Variants in SPTB observed in about 807,000 individuals in gnomAD.
SPTB encodes the protein spectrin beta chain, erythrocytic.
A neutral mutation model predicts 256.2 loss-of-function variants in SPTB; 45 were observed. That is an observed-to-expected ratio of 0.18 (90% CI 0.14 to 0.23). The LOEUF (loss-of-function observed/expected upper bound fraction) is 0.23, where lower values mean the gene tolerates loss of function less well. Ranked by LOEUF, SPTB falls within the 10% of genes least tolerant of loss-of-function variation. The probability of loss-of-function intolerance (pLI) is 1.00; values close to 1 mark genes in which losing one functional copy is unlikely to be tolerated. For synonymous variants in SPTB, 1,231 were observed against 1,243.1 expected (o/e 0.99, Z 0.21); for missense variants, 2,715 against 3,040.4 (o/e 0.89, Z 2.52).
At chr14:64,840,640 T>C (rs1401025738) in intron 1 of SPTB, among the ~76,000 whole-genome samples, 1 of 152,184 alleles carries the variant, frequency 6.6e-6, no homozygotes, top group African/African-American at 2.4e-5. Flanking sequence ...GGAGCGAACC[T>C]ATTCACACAC....
At chr14:64,831,542 A>G (rs2083450872) in intron 1 of SPTB, among the ~76,000 whole-genome samples, 1 of 152,264 alleles carries the variant, frequency 6.6e-6, no homozygotes, top group Non-Finnish European at 1.5e-5. Flanking sequence ...GTCATGCTGA[A>G]TATAGATGCT....
intron 1 of SPTB, among the ~76,000 whole-genome samples, chr14:64,875,392 A>G (rs1439870136): frequency 1.3e-5 from 2 of 152,272 alleles, no homozygotes; most frequent in Non-Finnish European, 2.9e-5. Context: ...ACGCAGCAAC[A>G]GAGGGAAACA....
chr14:64,752,339 A>C (rs1300113305), intron 33 of SPTB: 1 of 1,060,412 alleles, frequency 9.4e-7, no homozygotes, highest in African/African-American at 1.6e-5. Context: ...GAAGGTGGAG[A>C]AACTAGTAGG....
Position 64,785,034 on chromosome 14 carries a change from C to T in SPTB, c.3855+503G>A, listed in dbSNP as rs956935510. Among the ~76,000 whole-genome samples, 1 of 152,148 alleles carries T rather than the reference C, an allele frequency of 6.6e-6. No homozygotes were observed. The highest frequency in any genetic ancestry group is 2.4e-5 in the African/African-American group (1 of 41,442). ...TAAAATGTTCTTTCTCTGTCTCACC[C>T]CGTAAAGTTCTGATTCATCTGGCCT... is the stretch of plus-strand genomic sequence containing the variant. On this transcript the variant is annotated intron_variant, in intron 18 of 35. Transcript: ENST00000644917. This position sits in a 1 kb window ranked among gnomAD's most constrained non-coding sequence, Gnocchi z 4.4.
rs979677547 is a variant in SPTB at position 64,806,626 on chromosome 14, G to A, written c.149-1536C>T. Among the ~76,000 whole-genome samples, 6 of 152,324 alleles carry A rather than the reference G, an allele frequency of 3.9e-5. No individual in the cohort carries two copies. Among genetic ancestry groups the A allele is most frequent in the African/African-American group, 1.4e-4 (6 of 41,578 alleles). The stretch of plus-strand genomic sequence containing the variant: ...GCCTTCCGGCTTCATGGCTATTTTG[G>A]TATTAGGAACTCAGACCCTTGATTC... On this transcript the variant is annotated intron_variant, in intron 2 of 35. Transcript: ENST00000644917. The surrounding 1 kb of genome is among the most constrained non-coding windows in gnomAD (Gnocchi z 4.1).
rs183828835 is a variant in SPTB, at chr14:64,841,530, G to A, written c.-51-18385C>T. Among the ~76,000 whole-genome samples the A allele has an allele frequency of 1.4e-4, 21 of 152,218 alleles. No individual in the cohort carries two copies. The East Asian group carries it at 3.7e-3, about 27-fold the overall frequency. ...CTCTTCAGGGTCACAGCTAATCCAC[G>A]CCCTGAGATTTCAAAACACAGAATG... On this transcript the variant is annotated intron_variant, in intron 1 of 35. Transcript: ENST00000644917. The surrounding 1 kb of genome is among the most constrained non-coding windows in gnomAD (Gnocchi z 4.6).
chr14:64,769,284 CCTCT>C (rs2082241665), intron 28 of SPTB, among the ~76,000 whole-genome samples, 166 bp from the exon 29 acceptor site: 1 of 152,218 alleles, frequency 6.6e-6, no homozygotes, highest in Non-Finnish European at 1.5e-5. Flanking sequence ...AGTTATTTAA[CCTCT>C]CTGAGGCCCA....
chr14:64,758,770 G>T lies in SPTB; in HGVS notation c.6346-4977C>A, dbSNP rs2082052213. ...AGGGATGGCCAGATGCTGCTGGCAG[G>T]CTCCTTGCTCACGGGGGAGGAGGGG... is the stretch of plus-strand genomic sequence containing the variant. On this transcript the variant is annotated intron_variant, in intron 32 of 35. Transcript: ENST00000644917. This position sits in a 1 kb window ranked among gnomAD's most constrained non-coding sequence, Gnocchi z 4.6. 6.6e-6 allele frequency among the ~76,000 whole-genome samples: 1 copy of T among 152,236 alleles called. No homozygotes were observed.
chr14:64,749,921 C>G lies in SPTB; in HGVS notation c.6776+60G>C, dbSNP rs550309355. The G allele has an allele frequency of 6.4e-5, 103 of 1,609,888 alleles. No homozygotes were observed. In the African/African-American group the frequency reaches 1.1e-3, roughly 17 times the overall value. ...TGGTCCCCTACAGAGGGCCTCTGCC[C>G]TGCCACTAATGCCAAATCAAGCCAT... On this transcript the variant is annotated intron_variant, in intron 34 of 35. Transcript: ENST00000644917. This position sits in a 1 kb window ranked among gnomAD's most constrained non-coding sequence, Gnocchi z 4.7.
At chr14:64,819,705 AGAAG>A (rs1238721229) in intron 2 of SPTB, among the ~76,000 whole-genome samples, 1 of 152,222 alleles carries the variant, frequency 6.6e-6, no homozygotes, top group Admixed American at 6.5e-5. Flanking sequence ...GTGGGGGTTA[AGAAG>A]GAAGAAACAG....
Position 64,749,379 on chromosome 14 carries a change from AG to A in SPTB, c.6913del (p.Leu2305SerfsTer120), listed in dbSNP as rs1445270410. Reference sequence around the variant, plus strand: ...GCCGAGGCTGGCGTCGGGGCCGGAGAGGGAAGGCAGGGGCAGGCTCTGCGCC... The same window carrying A: ...GCCGAGGCTGGCGTCGGGGCCGGAGAGGAAGGCAGGGGCAGGCTCTGCGCC... Reference protein sequence around the residue: ...VKAQSLPLPSLSGPDASLGKK... With the variant: ...VKAQSLPLPSXSGPDASLGKK... On this transcript the variant is annotated frameshift_variant, in exon 36 of 36. Transcript: ENST00000644917. LOFTEE classifies it high-confidence loss of function. The surrounding 1 kb of genome is among the most constrained non-coding windows in gnomAD (Gnocchi z 4.7). 6.2e-7 allele frequency: 1 copy of A among 1,610,090 alleles called. No individual in the cohort carries two copies. The highest frequency in any genetic ancestry group is 1.1e-5 in the South Asian group (1 of 91,014).
intron 2 of SPTB, 123 bp from the exon 3 acceptor site, chr14:64,805,213 T>A (rs749543957): frequency 4.3e-5 from 45 of 1,050,132 alleles, no homozygotes; most frequent in Non-Finnish European, 6.3e-5. Flanking sequence ...GTCGATGTAT[T>A]CATTCCACTC....
chr14:64,791,692 C>T (rs903832730), intron 15 of SPTB, 27 bp downstream of exon 15: 1 of 1,613,984 alleles, frequency 6.2e-7, no homozygotes, highest in African/African-American at 1.3e-5. Context: ...GACAATGCCC[C>T]CGCCCCATGC....
intron 15 of SPTB, among the ~76,000 whole-genome samples, chr14:64,789,295 T>C (rs992971284): frequency 2.6e-5 from 4 of 152,260 alleles, no homozygotes; most frequent in African/African-American, 9.6e-5. Context: ...GAGGCTGCAG[T>C]GAGCCAAAAT....
At chr14:64,875,613 A>C (rs143465081) in intron 1 of SPTB, among the ~76,000 whole-genome samples, 43 of 152,370 alleles carry the variant, frequency 2.8e-4, no homozygotes, top group Non-Finnish European at 2.9e-5. Context: ...TGGCACACAG[A>C]CCACTGCATC....
chr14:64,767,406 C>A, intron 30 of SPTB, 54 bp from the exon 31 acceptor site: 1 of 1,608,652 alleles, frequency 6.2e-7, no homozygotes, highest in South Asian at 1.1e-5. Context: ...GAGTTGTGTT[C>A]TCAGACGATC....
Position 64,793,780 on chromosome 14 carries a change from C to A in SPTB, c.1883G>T (p.Gly628Val). 6.2e-7 allele frequency: 1 copy of A among 1,613,990 alleles called. No homozygotes were observed. Among genetic ancestry groups the A allele is most frequent in the Non-Finnish European group, 8.5e-7 (1 of 1,180,046 alleles). The change falls in exon 14 of 36, where the codon GGG becomes GTG. Residue 628 changes from glycine (G) to valine (V), a missense_variant. Coordinates refer to ENST00000644917, the MANE Select transcript of SPTB (RefSeq NM_001355436.2). This position sits in a 1 kb window ranked among gnomAD's most constrained non-coding sequence, Gnocchi z 7.0. ...GGACTGCTCCAGTTGGGCCTTCCGC[C>A]CAGCTGCCATGTTGCTCAGCTCCTC... ...CFEELSNMAA[G>V]RKAQLEQSKR...
intron 2 of SPTB, among the ~76,000 whole-genome samples, chr14:64,819,837 C>T (rs1161010787): frequency 6.6e-6 from 1 of 152,158 alleles, no homozygotes. Flanking sequence ...TTTCTTAGTA[C>T]TAACATTATC....
rs369148076 is a variant in SPTB, at chr14:64,749,282, C to T, written c.*24G>A. On this transcript the variant is annotated 3_prime_UTR_variant, in exon 36 of 36. Transcript: ENST00000644917. The surrounding 1 kb of genome is among the most constrained non-coding windows in gnomAD (Gnocchi z 4.7). The stretch of plus-strand genomic sequence containing the variant: ...GCCCGGTCTCTGCGCGTCCCGACTC[C>T]GCCGCGCCCGCCAGCCCCACCTGCT... 5.3e-5 allele frequency: 82 copies of T among 1,557,794 alleles called. No individual in the cohort carries two copies. The highest frequency in any genetic ancestry group is 1.4e-4 in the African/African-American group (10 of 73,618).
Sources: gnomAD v4.1 joint callset for allele counts (sites outside exome capture counted in the v4.1 genomes callset) on GRCh38, gnomAD v4.1.1 for gene constraint, Gnocchi (gnomAD v3.1) non-coding constraint, MANE v1.5 for transcripts, NCBI Gene and HGNC (gene_info 2026-07-23, HGNC 2026-07-21) for gene names.